The following TYW1B variants were observed in gnomAD, a reference collection of about 807,000 sequenced individuals.
The protein encoded by TYW1B is tRNA-yW synthesizing protein 1 homolog B, also known as S-adenosyl-L-methionine-dependent tRNA 4-demethylwyosine synthase TYW1B.
TYW1B carries 73 observed loss-of-function variants against 86.9 expected under a neutral mutation model. That is an observed-to-expected ratio of 0.84 (90% CI 0.70 to 1.02). The LOEUF is 1.02. TYW1B is among the 50% of genes least tolerant of loss of function. The pLI is 0.00. For synonymous variants in TYW1B, 248 were observed against 292.8 expected, an observed-to-expected ratio of 0.85 and a Z score of 1.56; for missense variants, 637 against 827.4, an observed-to-expected ratio of 0.77 and a Z score of 2.82.
chr7:72,644,691 T>A (rs1168873678), intron 11 of TYW1B, among the ~76,000 whole-genome samples: 1 of 151,882 alleles, frequency 6.6e-6, no homozygotes, highest in African/African-American at 2.4e-5. Flanking sequence ...TTGAATCAAA[T>A]GGATACCCAT....
intron 6 of TYW1B, among the ~76,000 whole-genome samples, chr7:72,790,862 C>T (rs1379923205): frequency 6.6e-6 from 1 of 152,250 alleles, no homozygotes; most frequent in Non-Finnish European, 1.5e-5. Context: ...CAAGTGCGGT[C>T]ACCTCTCCCT....
rs1810984261 is a variant in TYW1B at position 72,574,927 on chromosome 7, A to G, written c.*571T>C. 3 of 986,496 alleles carry G rather than the reference A, an allele frequency of 3.0e-6. No individual in the cohort carries two copies. The highest frequency in any genetic ancestry group is 6.1e-5 in the Admixed American group (1 of 16,502). The allele number at this position is 986,496 out of a possible 1,614,324, so 61.1% of individuals were successfully genotyped here. A position where few individuals can be genotyped will look rare whatever the true frequency, so the allele number is the denominator to read the frequency against. On this transcript the variant is annotated 3_prime_UTR_variant, in exon 14 of 14. Coordinates refer to ENST00000620995, the MANE Select transcript of TYW1B (RefSeq NM_001145440.3). The stretch of plus-strand genomic sequence containing the variant: ...ATCCGATGCAATTTTGGGAAGGGTT[A>G]GTAATAAACCAAAACTCAATCTATG...
At chr7:72,828,032 C>T (rs1284272970) in intron 1 of TYW1B, 40 bp downstream of exon 1, 1 of 1,612,810 alleles carries the variant, frequency 6.2e-7, no homozygotes, top group South Asian at 1.1e-5. Context: ...CGTTTACCTC[C>T]CCTGCCGCCC....
At chr7:72,732,632 T>A (rs1306020755) in intron 8 of TYW1B, among the ~76,000 whole-genome samples, 6 of 152,110 alleles carry the variant, frequency 3.9e-5, no homozygotes, top group Non-Finnish European at 7.4e-5. Context: ...CAGGGAAGTT[T>A]ATAATAATAA....
chr7:72,769,492 G>A (rs1248135794), intron 7 of TYW1B, among the ~76,000 whole-genome samples: 5 of 152,158 alleles, frequency 3.3e-5, no homozygotes, highest in African/African-American at 4.8e-5. Flanking sequence ...TGACCTTGTG[G>A]TTGGCAGAAT....
chr7:72,689,888 G>C (rs577994101), intron 11 of TYW1B, among the ~76,000 whole-genome samples: 2 of 152,070 alleles, frequency 1.3e-5, no homozygotes, highest in Non-Finnish European at 2.9e-5. Context: ...AATGTGAAAT[G>C]TTTGTTTTTT....
rs540684027 is a variant in TYW1B at position 72,828,126 on chromosome 7, G to T, written c.-51C>A. On this transcript the variant is annotated 5_prime_UTR_variant, in exon 1 of 14. Coordinates refer to ENST00000620995, the MANE Select transcript of TYW1B (RefSeq NM_001145440.3). Reference sequence around the variant, plus strand: ...GGATCTCGGACCTGGAGAGCCCAAAGGTTCGCACTGGTACTGCGAGACGCA... The same window carrying T: ...GGATCTCGGACCTGGAGAGCCCAAATGTTCGCACTGGTACTGCGAGACGCA... 9 of 1,611,276 alleles carry T rather than the reference G, an allele frequency of 5.6e-6. No homozygotes were observed. The highest frequency in any genetic ancestry group is 2.7e-5 in the African/African-American group (2 of 74,912).
At chr7:72,803,518 A>C (rs1554476177) in intron 5 of TYW1B, among the ~76,000 whole-genome samples, 1 of 152,240 alleles carries the variant, frequency 6.6e-6, no homozygotes, top group African/African-American at 2.4e-5. Flanking sequence ...TGAGGAAATT[A>C]AAGGTAGAGA....
intron 2 of TYW1B, among the ~76,000 whole-genome samples, chr7:72,821,946 A>G (rs1351322763): frequency 1.3e-5 from 2 of 152,042 alleles, no homozygotes; most frequent in African/African-American, 4.8e-5. Flanking sequence ...AACAGTTAAG[A>G]TTAGAAACAG....
chr7:72,693,963 T>C (rs367592313), intron 11 of TYW1B, among the ~76,000 whole-genome samples: 3 of 151,988 alleles, frequency 2.0e-5, no homozygotes, highest in East Asian at 1.9e-4. Flanking sequence ...ATTTTTATTA[T>C]TTATTTATTT....
intron 12 of TYW1B, among the ~76,000 whole-genome samples, chr7:72,624,550 G>T (rs547948215): frequency 6.6e-6 from 1 of 152,008 alleles, no homozygotes; most frequent in Admixed American, 6.6e-5. Context: ...TCCCTTTTGC[G>T]ACTACAGCAT....
chr7:72,659,317 G>A (rs1349355946), intron 11 of TYW1B, among the ~76,000 whole-genome samples: 1 of 152,102 alleles, frequency 6.6e-6, no homozygotes, highest in East Asian at 1.9e-4. Context: ...GGTGGCTCAC[G>A]CCTGCAATCC....
At chr7:72,706,286 G>C (rs1390221073) in intron 10 of TYW1B, among the ~76,000 whole-genome samples, 1 of 151,952 alleles carries the variant, frequency 6.6e-6, no homozygotes, top group African/African-American at 2.4e-5. Flanking sequence ...AATTAGCCGG[G>C]TGTGGTGGCA....
chr7:72,761,895 C>T (rs1351941904), intron 7 of TYW1B, among the ~76,000 whole-genome samples: 3 of 151,000 alleles, frequency 2.0e-5, no homozygotes, highest in Admixed American at 2.0e-4. Flanking sequence ...CCCAGCACAT[C>T]AACAATGATC....
At chr7:72,682,040 C>A (rs1425467552) in intron 11 of TYW1B, among the ~76,000 whole-genome samples, 4 of 151,712 alleles carry the variant, frequency 2.6e-5, no homozygotes, top group African/African-American at 4.8e-5. Context: ...ACCACACCCA[C>A]CTGATTTTTG....
intron 11 of TYW1B, among the ~76,000 whole-genome samples, chr7:72,678,619 C>CTTT (rs56738372): frequency 0.028 from 3,073 of 109,586 alleles, 77 homozygotes; most frequent in African/African-American, 0.053. Context: ...AATTCCAGCA[C>CTTT]TTTTTTTTTT....
At chr7:72,616,918 T>C (rs1554437046) in intron 12 of TYW1B, 79 bp from the exon 13 acceptor site, 3 of 1,575,198 alleles carry the variant, frequency 1.9e-6, no homozygotes, top group Admixed American at 1.8e-5. Flanking sequence ...CCGGAAAGCC[T>C]TCTTGAGGTC....
chr7:72,627,143 C>T (rs1812365674), intron 12 of TYW1B, among the ~76,000 whole-genome samples: 1 of 151,974 alleles, frequency 6.6e-6, no homozygotes, highest in Non-Finnish European at 1.5e-5. Flanking sequence ...ATTTACGTAT[C>T]AGTTTTTAAA....
At chr7:72,734,219 T>C (rs571914602) in intron 8 of TYW1B, among the ~76,000 whole-genome samples, 15 of 131,914 alleles carry the variant, frequency 1.1e-4, no homozygotes, top group Non-Finnish European at 3.1e-5. Flanking sequence ...GATCACATCA[T>C]TGCGCTCCAG....
Sources: allele counts gnomAD v4.1 joint callset (sites outside exome capture counted in the v4.1 genomes callset), GRCh38; gene constraint gnomAD v4.1.1; transcripts MANE v1.5; gene names NCBI Gene and HGNC (gene_info 2026-07-23, HGNC 2026-07-21).